FBXW11: variants seen among roughly 807,000 people sequenced by gnomAD.
FBXW11 encodes F-box and WD repeat domain containing 11, also known as F-box/WD repeat-containing protein 11.
In FBXW11, 19 loss-of-function variants were observed where a neutral mutation model predicts 77.6. The observed-to-expected ratio is 0.24, with a 90% CI of 0.17 to 0.36. The LOEUF (loss-of-function observed/expected upper bound fraction) is 0.36. Among genes scored for constraint, FBXW11 ranks in the 10% least tolerant of loss-of-function variants. The pLI is 1.00. For synonymous variants in FBXW11, 235 were observed against 249.4 expected (o/e 0.94, Z 0.54); for missense variants, 334 against 704.2 (o/e 0.47, Z 5.95).
At chr5:171,953,962 C>T (rs1038517689) in intron 2 of FBXW11, among the ~76,000 whole-genome samples, 2 of 152,202 alleles carry the variant, frequency 1.3e-5, no homozygotes, top group Non-Finnish European at 2.9e-5. Context: ...AGTTGTGCTA[C>T]TTACTGCCCA....
chr5:171,973,247 A>G (rs1410216257), intron 1 of FBXW11, among the ~76,000 whole-genome samples: 1 of 152,218 alleles, frequency 6.6e-6, no homozygotes, highest in African/African-American at 2.4e-5. Flanking sequence ...AATCTGCAAC[A>G]CCCAGAAAGT....
chr5:171,997,405 G>A (rs1350844834), intron 1 of FBXW11, among the ~76,000 whole-genome samples: 1 of 152,144 alleles, frequency 6.6e-6, no homozygotes, highest in Non-Finnish European at 1.5e-5. Context: ...CATTTTCTAA[G>A]ACAGCTCCTC....
At chr5:171,975,481 C>G (rs1764779479) in intron 1 of FBXW11, among the ~76,000 whole-genome samples, 1 of 152,122 alleles carries the variant, frequency 6.6e-6, no homozygotes, top group South Asian at 2.1e-4. Flanking sequence ...GGTGGGGCCT[C>G]TAGAACAATC....
At chr5:171,994,704 T>TACCACCACC (rs368238674) in intron 1 of FBXW11, among the ~76,000 whole-genome samples, 2 of 151,878 alleles carry the variant, frequency 1.3e-5, no homozygotes, top group African/African-American at 4.8e-5. Flanking sequence ...GTACCATTAC[T>TACCACCACC]ACCACCACCA....
At chr5:171,891,981 C>T (rs1378631898) in intron 6 of FBXW11, among the ~76,000 whole-genome samples, 3 of 152,172 alleles carry the variant, frequency 2.0e-5, no homozygotes, top group African/African-American at 7.2e-5. Flanking sequence ...CATATATTGA[C>T]AATCTACATA....
intron 9 of FBXW11, among the ~76,000 whole-genome samples, chr5:171,873,475 T>G (rs948226573): frequency 6.6e-6 from 1 of 152,070 alleles, no homozygotes; most frequent in Admixed American, 6.6e-5. Flanking sequence ...TGAAACCCCA[T>G]CTCTACAAAA....
Position 171,949,346 on chromosome 5 carries a change from G to A in FBXW11, c.147+8251C>T, listed in dbSNP as rs532133751. ...ACACTAGATCAGTAAATAGTATGCAGACAACTGATAGGTCATTCAGAAAGA... is the reference window on the plus strand; with the variant it reads ...ACACTAGATCAGTAAATAGTATGCAAACAACTGATAGGTCATTCAGAAAGA... On this transcript the variant is annotated intron_variant, in intron 2 of 13. Transcript: ENST00000517395. Among the ~76,000 whole-genome samples, 14 of 152,288 alleles carry A rather than the reference G, an allele frequency of 9.2e-5. No homozygotes were observed. The South Asian group carries it at 2.7e-3, about 29-fold the overall frequency.
At chr5:171,903,543 C>T (rs1004787259) in intron 4 of FBXW11, among the ~76,000 whole-genome samples, 1 of 152,188 alleles carries the variant, frequency 6.6e-6, no homozygotes, top group Non-Finnish European at 1.5e-5. Context: ...CTTCTTTTAT[C>T]ACATTTTTGT....
At chr5:171,960,067 AAAG>A (rs35159014) in intron 1 of FBXW11, among the ~76,000 whole-genome samples, 113,568 of 151,810 alleles carry the variant, frequency 0.75, 45,456 homozygotes, top group East Asian at 0.95. Context: ...GTGGATGGGC[AAAG>A]AAGAGAGTTT....
chr5:171,930,767 A>AAT (rs1362644128), intron 2 of FBXW11, among the ~76,000 whole-genome samples: 3 of 148,720 alleles, frequency 2.0e-5, no homozygotes, highest in African/African-American at 7.4e-5. Context: ...AAAAATAAAA[A>AAT]AAAAAAAAAG....
intron 2 of FBXW11, among the ~76,000 whole-genome samples, chr5:171,923,909 C>CTTTTT (rs70982354): frequency 6.9e-4 from 34 of 49,192 alleles, no homozygotes; most frequent in African/African-American, 2.2e-3. Context: ...GAAACCCCAC[C>CTTTTT]TTTTTTTTTT....
At chr5:171,886,364 T>C (rs572684215) in intron 7 of FBXW11, among the ~76,000 whole-genome samples, 45 of 147,202 alleles carry the variant, frequency 3.1e-4, no homozygotes, top group Admixed American at 9.1e-4. Flanking sequence ...TAGGTGGGAA[T>C]TGAACAATGA....
At chr5:171,914,457 A>G in intron 2 of FBXW11, 52 bp from the exon 3 acceptor site, 1 of 1,435,328 alleles carries the variant, frequency 7.0e-7, no homozygotes, top group South Asian at 1.4e-5. Context: ...TGCAAATCCT[A>G]AATAACTACA....
intron 2 of FBXW11, among the ~76,000 whole-genome samples, chr5:171,945,679 T>C (rs1485342245): frequency 2.0e-5 from 3 of 152,242 alleles, no homozygotes; most frequent in Non-Finnish European, 2.9e-5. Context: ...ATTTCACTAT[T>C]GCAAGTAGAA....
At chr5:171,897,261 T>C (rs1243357830) in intron 6 of FBXW11, among the ~76,000 whole-genome samples, 1 of 152,218 alleles carries the variant, frequency 6.6e-6, no homozygotes, top group Non-Finnish European at 1.5e-5. Flanking sequence ...GTACATTACT[T>C]TTATGATTAT....
Position 171,876,551 on chromosome 5 carries a change from A to G in FBXW11, c.972-17T>C, listed in dbSNP as rs188270483. On this transcript the variant is annotated splice_polypyrimidine_tract_variant and intron_variant, in intron 8 of 13. Coordinates refer to ENST00000517395, the MANE Select transcript of FBXW11 (RefSeq NM_001378974.1). The surrounding 1 kb of genome is among the most constrained non-coding windows in gnomAD (Gnocchi z 4.2). ...TCCCACACTCTAGGAGAGAAGAGAA[A>G]AGCATGATGCTTAATTATGGAGACA... 4.3e-6 allele frequency: 7 copies of G among 1,609,410 alleles called. No individual in the cohort carries two copies. In the East Asian group the frequency reaches 1.1e-4, roughly 26 times the overall value.
At chr5:171,892,383 T>C (rs2569091) in intron 6 of FBXW11, among the ~76,000 whole-genome samples, 127,612 of 152,198 alleles carry the variant, frequency 0.84, 55,533 homozygotes, top group East Asian at 1. Flanking sequence ...GAAAACAGAG[T>C]TTAATTTGCC....
intron 2 of FBXW11, among the ~76,000 whole-genome samples, chr5:171,948,319 C>A (rs1352376656): frequency 1.3e-5 from 2 of 150,288 alleles, no homozygotes; most frequent in Non-Finnish European, 3.0e-5. Flanking sequence ...GATAGATAAG[C>A]ATATCTATAT....
At position 171,946,265 on chromosome 5, in the gene FBXW11, C is replaced by G. The variant is rs1763002093; in HGVS notation, c.147+11332G>C. Among the ~76,000 whole-genome samples, 3 of 152,190 alleles carry G rather than the reference C, an allele frequency of 2.0e-5. No homozygotes were observed. In the South Asian group the frequency reaches 6.2e-4, roughly 31 times the overall value. ...CTAAAATATCTATCTACTATTGATT[C>G]TGTTTCTCTGGAGAACCCTGACTGA... On this transcript the variant is annotated intron_variant, in intron 2 of 13. Transcript: ENST00000517395.
Sources: allele counts gnomAD v4.1 joint callset (sites outside exome capture counted in the v4.1 genomes callset), GRCh38; gene constraint gnomAD v4.1.1; non-coding constraint Gnocchi (gnomAD v3.1); transcripts MANE v1.5; gene names NCBI Gene and HGNC (gene_info 2026-07-23, HGNC 2026-07-21).